The following C8orf74 variants were observed in gnomAD, a reference collection of about 807,000 sequenced individuals.
The protein encoded by C8orf74 is uncharacterized protein C8orf74.
A neutral mutation model predicts 22.2 loss-of-function variants in C8orf74; 29 were observed. The observed-to-expected ratio is 1.31, with a 90% CI of 0.97 to 1.78. The LOEUF (loss-of-function observed/expected upper bound fraction) is 1.78, where lower values mean the gene tolerates loss of function less well. C8orf74 is among the 40% of genes most tolerant of loss of function. The pLI is 0.00. For missense variants in C8orf74, 515 were observed against 369.9 expected (o/e 1.39, Z -3.22); for synonymous variants, 255 against 163.1 (o/e 1.56, Z -4.30).
intron 2 of C8orf74, among the ~76,000 whole-genome samples, chr8:10,684,619 G>A (rs1029660195): frequency 4.6e-5 from 7 of 152,172 alleles, no homozygotes; most frequent in Admixed American, 2.6e-4. Flanking sequence ...AAAACCCCAA[G>A]GGGTGCCTGA....
intron 2 of C8orf74, among the ~76,000 whole-genome samples, chr8:10,695,177 T>C (rs1799464415): frequency 1.3e-5 from 2 of 152,194 alleles, no homozygotes; most frequent in Non-Finnish European, 2.9e-5. Context: ...CTGGCTTGTA[T>C]TAGGCTCTGT....
chr8:10,689,097 C>T (rs1586044104), intron 2 of C8orf74: 1 of 152,206 alleles, frequency 6.6e-6, no homozygotes, highest in African/African-American at 2.4e-5. Flanking sequence ...TCTGACCTAT[C>T]AAAAAGCACC....
At chr8:10,694,911 G>T (rs116541277) in intron 2 of C8orf74, among the ~76,000 whole-genome samples, 104 of 152,098 alleles carry the variant, frequency 6.8e-4, no homozygotes, top group Non-Finnish European at 1.3e-3. Flanking sequence ...CGAATGGATG[G>T]GTGGACGGAT....
chr8:10,681,644 AC>A (rs1472419303), intron 2 of C8orf74, among the ~76,000 whole-genome samples: 1 of 152,084 alleles, frequency 6.6e-6, no homozygotes, highest in African/African-American at 2.4e-5. Flanking sequence ...GACCTCCCCA[AC>A]CCACCACCAC....
rs1186964040 is a variant in C8orf74 at position 10,700,420 on chromosome 8, C to T, written c.834C>T (p.Ala278=). 6 of 1,611,206 alleles carry T rather than the reference C, an allele frequency of 3.7e-6. No homozygotes were observed. Among genetic ancestry groups the T allele is most frequent in the Admixed American group, 1.7e-5 (1 of 59,748 alleles). The stretch of plus-strand genomic sequence containing the variant: ...CCAGCCACGCAGGCCAGGAGGAAGC[C>T]CTGAAGCCCCAAAGAGCGAGCAAAG... ...PITSHAGQEE[A]LKPQRASKGK... is the part of the protein sequence containing the mutation. Residue 278 remains alanine (A), a synonymous_variant, in exon 4 of 4, where the codon GCC becomes GCT. Coordinates refer to ENST00000304519, the MANE Select transcript of C8orf74 (RefSeq NM_001040032.2).
intron 2 of C8orf74, among the ~76,000 whole-genome samples, chr8:10,693,883 T>G (rs1799435318): frequency 6.6e-6 from 1 of 152,212 alleles, no homozygotes; most frequent in Non-Finnish European, 1.5e-5. Context: ...TCCAAGGCCC[T>G]TGGGTCTGTC....
intron 2 of C8orf74, among the ~76,000 whole-genome samples, chr8:10,682,097 C>G (rs367819756): frequency 1.3e-5 from 2 of 152,184 alleles, no homozygotes; most frequent in East Asian, 1.9e-4. Flanking sequence ...TCCAGCCTCT[C>G]AAGACCCCTG....
intron 2 of C8orf74, among the ~76,000 whole-genome samples, chr8:10,683,819 G>C (rs2129057131): frequency 6.6e-6 from 1 of 152,342 alleles, no homozygotes; most frequent in African/African-American, 2.4e-5. Flanking sequence ...GATGGGGAAT[G>C]CCTCCTCACT....
chr8:10,675,588 T>C (rs1220797995), intron 2 of C8orf74: 2 of 152,194 alleles, frequency 1.3e-5, no homozygotes, highest in Non-Finnish European at 2.9e-5. Context: ...GAGAAAGGAA[T>C]ACTCTTACAG....
At chr8:10,672,760 T>A in intron 1 of C8orf74, 47 bp downstream of exon 1, 3 of 1,521,564 alleles carry the variant, frequency 2.0e-6, no homozygotes, top group Non-Finnish European at 2.7e-6. Flanking sequence ...TGGCTCATCC[T>A]GGGCACATAG....
intron 2 of C8orf74, among the ~76,000 whole-genome samples, chr8:10,678,317 G>A (rs1028623541): frequency 1.3e-5 from 2 of 152,190 alleles, no homozygotes; most frequent in Non-Finnish European, 2.9e-5. Context: ...ATGAGGCTGT[G>A]CCTTAAAGCC....
At chr8:10,676,763 C>T (rs1384767931) in intron 2 of C8orf74, among the ~76,000 whole-genome samples, 1 of 152,116 alleles carries the variant, frequency 6.6e-6, no homozygotes, top group Non-Finnish European at 1.5e-5. Flanking sequence ...CCCTCAAGGC[C>T]CTGCCTCCCC....
chr8:10,687,865 T>C (rs141222049), intron 2 of C8orf74, among the ~76,000 whole-genome samples: 78 of 152,094 alleles, frequency 5.1e-4, no homozygotes, highest in African/African-American at 1.7e-3. Flanking sequence ...TCTCAGAAAG[T>C]GTGCCCATTT....
intron 2 of C8orf74, chr8:10,688,750 G>A (rs1799314716): frequency 6.6e-6 from 1 of 152,482 alleles, no homozygotes; most frequent in African/African-American, 2.4e-5. Context: ...CCATGGGAGT[G>A]TCAGGCCCAA....
Position 10,674,816 on chromosome 8 carries a change from A to G in C8orf74, c.219A>G (p.Glu73=), listed in dbSNP as rs1798998143. ...VEVAQVVKFT[E]ELLRETKGCS... ...TGGCCCAGGTGGTCAAGTTCACAGA[A>G]GAGCTGCTAAGGGAAACCAAAGGTA... Residue 73 remains glutamate (E), a synonymous_variant, in exon 2 of 4, where the codon GAA becomes GAG. Coordinates refer to ENST00000304519, the MANE Select transcript of C8orf74 (RefSeq NM_001040032.2). 3.7e-6 allele frequency: 6 copies of G among 1,602,892 alleles called. No homozygotes were observed. Among genetic ancestry groups the G allele is most frequent in the Non-Finnish European group, 5.1e-6 (6 of 1,174,842 alleles).
intron 3 of C8orf74, 98 bp downstream of exon 3, chr8:10,698,103 C>A (rs1391619033): frequency 1.6e-6 from 2 of 1,222,830 alleles, no homozygotes; most frequent in African/African-American, 1.5e-5. Context: ...CAGTGGCACA[C>A]AGGGGAGGGG....
chr8:10,678,199 C>T (rs957861900), intron 2 of C8orf74, among the ~76,000 whole-genome samples: 1 of 152,188 alleles, frequency 6.6e-6, no homozygotes, highest in Non-Finnish European at 1.5e-5. Context: ...TGGCCCTTTA[C>T]TGGGTGCGTG....
At chr8:10,686,989 A>G (rs919446695) in intron 2 of C8orf74, 3 of 419,168 alleles carry the variant, frequency 7.2e-6, no homozygotes, top group African/African-American at 6.2e-5. Flanking sequence ...GAGTAGAATC[A>G]CCAGGCAACC....
chr8:10,695,551 T>A (rs978376397), intron 2 of C8orf74, among the ~76,000 whole-genome samples: 1 of 152,132 alleles, frequency 6.6e-6, no homozygotes, highest in Admixed American at 6.5e-5. Flanking sequence ...CCCAAGACCA[T>A]GATGTCTCCA....
Sources: gnomAD v4.1 joint callset for allele counts (sites outside exome capture counted in the v4.1 genomes callset) on GRCh38, gnomAD v4.1.1 for gene constraint, MANE v1.5 for transcripts, NCBI Gene and HGNC (gene_info 2026-07-23, HGNC 2026-07-21) for gene names.